Variants in CYTH1 observed in about 807,000 individuals in gnomAD.
CYTH1 encodes cytohesin-1.
Under a neutral mutation model 61.8 loss-of-function variants are expected in CYTH1, and 18 were observed. The ratio of observed to expected loss-of-function variants is 0.29; its 90% confidence interval spans 0.20 to 0.43. The LOEUF is 0.43. Ranked by LOEUF, CYTH1 falls within the 20% of genes least tolerant of loss-of-function variation. The pLI, the probability that CYTH1 is intolerant of heterozygous loss-of-function variation, is 1.00. For synonymous variants in CYTH1, 174 were observed against 184.3 expected, an observed-to-expected ratio of 0.94 and a Z score of 0.45; for missense variants, 336 against 510.5, an observed-to-expected ratio of 0.66 and a Z score of 3.29.
chr17:78,675,927 C>G lies in CYTH1; in HGVS notation c.*164G>C, dbSNP rs1216443165. On this transcript the variant is annotated 3_prime_UTR_variant, in exon 14 of 14. Coordinates refer to ENST00000446868, the MANE Select transcript of CYTH1 (RefSeq NM_004762.6). ...CTCTTCCCCAGTGATAACTGCCCAC[C>G]CTTCTCCCACTTAAAAAAAATAGCA... The G allele has an allele frequency of 6.5e-7, 1 of 1,544,950 alleles. No individual in the cohort carries two copies. Among genetic ancestry groups the G allele is most frequent in the Non-Finnish European group, 8.7e-7 (1 of 1,144,226 alleles).
intron 1 of CYTH1, among the ~76,000 whole-genome samples, chr17:78,781,383 C>T (rs1343967668): frequency 6.6e-6 from 1 of 152,238 alleles, no homozygotes; most frequent in South Asian, 2.1e-4. Flanking sequence ...CTTGCAATTT[C>T]AAACTCTTGG....
chr17:78,719,756 A>C (rs2093212183), intron 1 of CYTH1, among the ~76,000 whole-genome samples: 1 of 152,204 alleles, frequency 6.6e-6, no homozygotes, highest in South Asian at 2.1e-4. Flanking sequence ...AGGATGAAGA[A>C]AGATGGATGT....
At chr17:78,737,189 C>CA (rs895890768) in intron 1 of CYTH1, among the ~76,000 whole-genome samples, 6 of 152,106 alleles carry the variant, frequency 3.9e-5, no homozygotes, top group Admixed American at 3.3e-4. Flanking sequence ...CGATGGACAC[C>CA]AAAACCCACG....
intron 11 of CYTH1, among the ~76,000 whole-genome samples, chr17:78,684,161 C>G (rs1053082274): frequency 6.6e-6 from 1 of 152,252 alleles, no homozygotes; most frequent in Non-Finnish European, 1.5e-5. Flanking sequence ...CCTTCCTGGC[C>G]CCCCCTCTTT....
chr17:78,750,305 G>A (rs2093375049), intron 1 of CYTH1, among the ~76,000 whole-genome samples: 1 of 152,164 alleles, frequency 6.6e-6, no homozygotes. Context: ...ACACCTATGT[G>A]AGCGGATATG....
At chr17:78,772,383 A>G (rs957148959) in intron 1 of CYTH1, among the ~76,000 whole-genome samples, 1 of 152,226 alleles carries the variant, frequency 6.6e-6, no homozygotes, top group African/African-American at 2.4e-5. Context: ...TCTAATTCTT[A>G]CTATAGAATA....
chr17:78,701,596 G>GC (rs1281261401), intron 6 of CYTH1, 75 bp downstream of exon 6: 7 of 1,282,006 alleles, frequency 5.5e-6, no homozygotes, highest in East Asian at 2.3e-5. Flanking sequence ...TCAATAAAAT[G>GC]CCCCCCAGGA....
At chr17:78,733,010 C>T (rs1367961027) in intron 1 of CYTH1, among the ~76,000 whole-genome samples, 1 of 145,826 alleles carries the variant, frequency 6.9e-6, no homozygotes, top group Non-Finnish European at 1.5e-5. Context: ...TCACTTGAAC[C>T]CGGGAGGCAG....
chr17:78,680,019 G>A (rs759686879), intron 13 of CYTH1, among the ~76,000 whole-genome samples, 171 bp downstream of exon 13: 1 of 152,210 alleles, frequency 6.6e-6, no homozygotes, highest in Non-Finnish European at 1.5e-5. Flanking sequence ...TAATAGCCAA[G>A]AATCCAAAGG....
At chr17:78,745,702 G>C (rs1442761129) in intron 1 of CYTH1, among the ~76,000 whole-genome samples, 1 of 152,102 alleles carries the variant, frequency 6.6e-6, no homozygotes, top group Admixed American at 6.6e-5. Flanking sequence ...GACCATCTTG[G>C]CCAACATGGT....
rs2093366337 is a variant in CYTH1 at position 78,748,148 on chromosome 17, A to G, written c.22+34054T>C. Among the ~76,000 whole-genome samples, 3 of 152,228 alleles carry G rather than the reference A, an allele frequency of 2.0e-5. No individual in the cohort carries two copies. In the South Asian group the frequency reaches 6.2e-4, roughly 32 times the overall value. ...CTCACTGTCCGCCACTGCACCCCAC[A>G]CACCGGAAACAAACTAAAGATGCTG... On this transcript the variant is annotated intron_variant, in intron 1 of 13. Coordinates refer to ENST00000446868, the MANE Select transcript of CYTH1 (RefSeq NM_004762.6).
chr17:78,740,929 A>G (rs1191385646), intron 1 of CYTH1, among the ~76,000 whole-genome samples: 2 of 152,244 alleles, frequency 1.3e-5, no homozygotes, highest in African/African-American at 4.8e-5. Flanking sequence ...ACTTTAAAAT[A>G]ACTAAAAAAA....
chr17:78,770,158 A>G (rs1267641195), intron 1 of CYTH1, among the ~76,000 whole-genome samples: 1 of 151,326 alleles, frequency 6.6e-6, no homozygotes, highest in Non-Finnish European at 1.5e-5. Flanking sequence ...CAAAAAAAAA[A>G]AAGAAAAATA....
chr17:78,698,139 A>G (rs1317004760), intron 9 of CYTH1, 130 bp downstream of exon 9: 3 of 772,588 alleles, frequency 3.9e-6, no homozygotes, highest in Non-Finnish European at 4.5e-6. Flanking sequence ...GCGTGCACAC[A>G]CACGCACGCG....
chr17:78,728,926 C>G (rs998313595), intron 1 of CYTH1, among the ~76,000 whole-genome samples: 4 of 152,010 alleles, frequency 2.6e-5, no homozygotes, highest in African/African-American at 9.7e-5. Context: ...AAAATAAAAC[C>G]TGAATAATTC....
chr17:78,731,833 C>G (rs939105683), intron 1 of CYTH1, among the ~76,000 whole-genome samples: 1 of 150,698 alleles, frequency 6.6e-6, no homozygotes, highest in South Asian at 2.1e-4. Context: ...AAGGCAGAGA[C>G]AAGAACACTA....
chr17:78,765,239 A>G (rs1019128842), intron 1 of CYTH1, among the ~76,000 whole-genome samples: 1 of 152,168 alleles, frequency 6.6e-6, no homozygotes, highest in Non-Finnish European at 1.5e-5. Flanking sequence ...AGTAGACTCA[A>G]AGAGAAGCCT....
intron 1 of CYTH1, among the ~76,000 whole-genome samples, chr17:78,754,059 G>A (rs2093391108): frequency 6.6e-6 from 1 of 152,150 alleles, no homozygotes; most frequent in Non-Finnish European, 1.5e-5. Context: ...AGTAGGGAGG[G>A]AGGGTCAAAG....
chr17:78,758,418 G>A (rs936454543), intron 1 of CYTH1, among the ~76,000 whole-genome samples: 5 of 152,096 alleles, frequency 3.3e-5, no homozygotes, highest in African/African-American at 9.7e-5. Context: ...AAAGTGCTAA[G>A]CCCAGGCCCG....
Sources: allele counts gnomAD v4.1 joint callset (sites outside exome capture counted in the v4.1 genomes callset), GRCh38; gene constraint gnomAD v4.1.1; transcripts MANE v1.5; gene names NCBI Gene and HGNC (gene_info 2026-07-23, HGNC 2026-07-21).